The following DDR2 variants were observed in gnomAD, a reference collection of about 807,000 sequenced individuals.
The protein encoded by DDR2 is discoidin domain receptor tyrosine kinase 2, also known as discoidin domain-containing receptor 2.
In DDR2, 27 loss-of-function variants were observed where a neutral mutation model predicts 94.9. The observed-to-expected ratio is 0.28, with a 90% CI of 0.21 to 0.39. DDR2 has a LOEUF of 0.39. Ranked by LOEUF, DDR2 falls within the 10% of genes least tolerant of loss-of-function variation. The probability of loss-of-function intolerance (pLI) is 1.00; values close to 1 mark genes in which losing one functional copy is unlikely to be tolerated. For missense variants in DDR2, 783 were observed against 1,076.0 expected (o/e 0.73, Z 3.81); for synonymous variants, 382 against 377.2 (o/e 1.01, Z -0.15).
At chr1:162,667,278 C>T (rs546687948) in intron 2 of DDR2, among the ~76,000 whole-genome samples, 19 of 152,244 alleles carry the variant, frequency 1.2e-4, no homozygotes, top group African/African-American at 4.6e-4. Flanking sequence ...TCTCTTTACT[C>T]ATAACCACCA....
At chr1:162,720,512 G>A (rs1270841015) in intron 3 of DDR2, among the ~76,000 whole-genome samples, 2 of 145,040 alleles carry the variant, frequency 1.4e-5, no homozygotes, top group East Asian at 2.4e-4. Flanking sequence ...TTTCATTGTT[G>A]TATATTACTT....
At chr1:162,657,435 C>T (rs1028386450) in intron 2 of DDR2, among the ~76,000 whole-genome samples, 2 of 152,130 alleles carry the variant, frequency 1.3e-5, no homozygotes, top group East Asian at 3.9e-4. Context: ...AATTCAGCAT[C>T]CAATCTGGAG....
At chr1:162,634,162 A>G (rs1656698416) in intron 1 of DDR2, among the ~76,000 whole-genome samples, 1 of 152,220 alleles carries the variant, frequency 6.6e-6, no homozygotes, top group Admixed American at 6.5e-5. Context: ...CTCAGAGGCC[A>G]CTTCTGCACT....
Position 162,755,136 on chromosome 1 carries a change from A to G in DDR2, c.418-20A>G. ...ATGATTTAATACCACCTCTTCACTC[A>G]TTCTCTTCTCTCTCCTCAGGTGCTG... On this transcript the variant is annotated intron_variant, in intron 5 of 17. Coordinates refer to ENST00000367921, the MANE Select transcript of DDR2 (RefSeq NM_006182.4). 1 of 1,614,050 alleles carries G rather than the reference A, an allele frequency of 6.2e-7. No individual in the cohort carries two copies. Among genetic ancestry groups the G allele is most frequent in the Non-Finnish European group, 8.5e-7 (1 of 1,179,986 alleles).
In DDR2 at chr1:162,785,581, A is replaced by C. The variant is rs1396131673; in HGVS notation, c.*5335A>C. 6.6e-6 allele frequency: 1 copy of C among 152,128 alleles called. No individual in the cohort carries two copies. Among genetic ancestry groups the C allele is most frequent in the Non-Finnish European group, 1.5e-5 (1 of 67,994 alleles). The allele number at this position is 152,128 out of a possible 1,614,324, so 9.4% of individuals were successfully genotyped here. On this transcript the variant is annotated 3_prime_UTR_variant, in exon 18 of 18. Transcript: ENST00000367921. Reference sequence around the variant, plus strand: ...TATTTAAGGGGTCAAGATTATAACAATGTGTGTCTTACTAAGTTTCTAGGT... The same window carrying C: ...TATTTAAGGGGTCAAGATTATAACACTGTGTGTCTTACTAAGTTTCTAGGT...
intron 16 of DDR2, among the ~76,000 whole-genome samples, chr1:162,777,192 G>C (rs961231859): frequency 4.0e-5 from 6 of 151,720 alleles, no homozygotes; most frequent in Admixed American, 3.3e-4. Flanking sequence ...TCAATACTTT[G>C]GTATATTTTC....
chr1:162,673,754 AAAC>A (rs1174356083), intron 2 of DDR2, among the ~76,000 whole-genome samples: 5 of 151,998 alleles, frequency 3.3e-5, no homozygotes. Flanking sequence ...AAACAAAACA[AAAC>A]AAAAAAACCG....
At chr1:162,689,143 C>G (rs975287961) in intron 2 of DDR2, among the ~76,000 whole-genome samples, 1 of 152,154 alleles carries the variant, frequency 6.6e-6, no homozygotes, top group Non-Finnish European at 1.5e-5. Flanking sequence ...GACTGTGGCT[C>G]GGGTGCCAGT....
intron 2 of DDR2, among the ~76,000 whole-genome samples, chr1:162,705,533 A>AG (rs1243879355): frequency 6.6e-6 from 1 of 152,180 alleles, no homozygotes; most frequent in East Asian, 1.9e-4. Context: ...ATCAGGGGGC[A>AG]ACTCTATTCT....
chr1:162,763,158 G>C (rs1663826065), intron 9 of DDR2, among the ~76,000 whole-genome samples: 1 of 150,706 alleles, frequency 6.6e-6, no homozygotes. Flanking sequence ...TAATACTCAA[G>C]TTGTGCTGTC....
chr1:162,726,135 G>A (rs1412266479), intron 3 of DDR2, among the ~76,000 whole-genome samples: 1 of 152,190 alleles, frequency 6.6e-6, no homozygotes, highest in Non-Finnish European at 1.5e-5. Flanking sequence ...AAAGTACCTA[G>A]CATAGTGTCA....
intron 3 of DDR2, among the ~76,000 whole-genome samples, chr1:162,747,706 A>G: frequency 6.6e-6 from 1 of 152,176 alleles, no homozygotes; most frequent in East Asian, 1.9e-4. Context: ...TGTCAGATTC[A>G]CCAAGGTTGA....
chr1:162,773,545 C>T lies in DDR2; in HGVS notation c.1805C>T (p.Pro602Leu), dbSNP rs1647350406. The change falls in exon 14 of 18, where the codon CCT becomes CTT. Residue 602 changes from proline (P) to leucine (L), a missense_variant. Physicochemically the swap from Pro to Leu is moderately conservative, Grantham distance 98. Around this residue, in one of 2 missense-constraint regions of DDR2, gnomAD observed 264 missense variants for 428.2 expected, o/e 0.62. Transcript: ENST00000367921. The stretch of plus-strand genomic sequence containing the variant: ...GCCCTAGATGTCAGTGCCAACCAGC[C>T]TGTCCTGGTGGCTGTGAAAATGCTC... ...DFALDVSANQ[P>L]VLVAVKMLRA... is the part of the protein sequence containing the mutation. 6.2e-7 allele frequency: 1 copy of T among 1,614,088 alleles called. No homozygotes were observed. Among genetic ancestry groups the T allele is most frequent in the African/African-American group, 1.3e-5 (1 of 75,044 alleles).
chr1:162,664,473 A>T (rs1270355197), intron 2 of DDR2, among the ~76,000 whole-genome samples: 1 of 152,094 alleles, frequency 6.6e-6, no homozygotes, highest in African/African-American at 2.4e-5. Context: ...GTACTAAAAA[A>T]CCCTAAATGA....
At chr1:162,636,201 C>A (rs775578679) in intron 1 of DDR2, among the ~76,000 whole-genome samples, 37 of 152,212 alleles carry the variant, frequency 2.4e-4, no homozygotes, top group Non-Finnish European at 4.4e-4. Context: ...TAAACCCCAG[C>A]ATTTGGCAAA....
At chr1:162,746,549 G>A (rs1251268681) in intron 3 of DDR2, among the ~76,000 whole-genome samples, 7 of 152,226 alleles carry the variant, frequency 4.6e-5, no homozygotes, top group East Asian at 3.9e-4. Flanking sequence ...TGGGCAGGGC[G>A]TAGCTGAACA....
intron 1 of DDR2, among the ~76,000 whole-genome samples, chr1:162,636,192 A>G (rs1317354212): frequency 6.6e-6 from 1 of 152,226 alleles, no homozygotes; most frequent in Non-Finnish European, 1.5e-5. Context: ...CTAATTTTAT[A>G]AACCCCAGCA....
chr1:162,750,836 A>G (rs1042840067), intron 3 of DDR2, among the ~76,000 whole-genome samples: 1 of 152,208 alleles, frequency 6.6e-6, no homozygotes, highest in Non-Finnish European at 1.5e-5. Flanking sequence ...CTCAGAAATA[A>G]TACCACACAT....
At chr1:162,666,003 C>T (rs1658531835) in intron 2 of DDR2, among the ~76,000 whole-genome samples, 1 of 152,096 alleles carries the variant, frequency 6.6e-6, no homozygotes, top group African/African-American at 2.4e-5. Flanking sequence ...TGCATTGCTC[C>T]CCTTTTTTCT....
Sources: gnomAD v4.1 joint callset for allele counts (sites outside exome capture counted in the v4.1 genomes callset) on GRCh38, gnomAD v4.1.1 for gene constraint, gnomAD v4.1.1 regional missense constraint, MANE v1.5 for transcripts, NCBI Gene and HGNC (gene_info 2026-07-23, HGNC 2026-07-21) for gene names.